The following EPHA3 variants were observed in gnomAD, a reference collection of about 807,000 sequenced individuals.
The protein encoded by EPHA3 is EPH receptor A3, also known as ephrin type-A receptor 3.
A neutral mutation model predicts 107.1 loss-of-function variants in EPHA3; 42 were observed. The observed-to-expected ratio is 0.39, with a 90% CI of 0.31 to 0.51. The LOEUF is 0.51. EPHA3 is among the 20% of genes least tolerant of loss of function. EPHA3 has a pLI of 0.78. For synonymous variants in EPHA3, 461 were observed against 424.8 expected (o/e 1.09, Z -1.05); for missense variants, 1,183 against 1,211.2 (o/e 0.98, Z 0.35).
chr3:89,125,681 A>T (rs1344392972), intron 1 of EPHA3, among the ~76,000 whole-genome samples: 1 of 151,716 alleles, frequency 6.6e-6, no homozygotes, highest in African/African-American at 2.4e-5. Context: ...TTAAGGAATT[A>T]TAATATAAAA....
chr3:89,329,562 T>C (rs1466581611), intron 3 of EPHA3, among the ~76,000 whole-genome samples: 3 of 152,140 alleles, frequency 2.0e-5, no homozygotes, highest in Non-Finnish European at 4.4e-5. Flanking sequence ...GAGAATTTCT[T>C]CCTCTTAAAT....
At chr3:89,466,708 A>T (rs1186054968) in intron 15 of EPHA3, among the ~76,000 whole-genome samples, 1 of 133,080 alleles carries the variant, frequency 7.5e-6, no homozygotes, top group East Asian at 2.1e-4. Context: ...GTGCGCACAC[A>T]CACTGGCCTG....
intron 2 of EPHA3, among the ~76,000 whole-genome samples, chr3:89,149,489 TTTA>T (rs1453799035): frequency 2.0e-5 from 3 of 151,978 alleles, no homozygotes; most frequent in Non-Finnish European, 4.4e-5. Flanking sequence ...ATAATCTTTT[TTTA>T]TTATTATTAT....
intron 16 of EPHA3, among the ~76,000 whole-genome samples, chr3:89,478,573 C>T (rs1710564317): frequency 6.6e-6 from 1 of 152,110 alleles, no homozygotes; most frequent in Non-Finnish European, 1.5e-5. Context: ...TTACATATGG[C>T]CTCTCCTGTG....
intron 2 of EPHA3, among the ~76,000 whole-genome samples, chr3:89,198,744 A>G (rs1705902054): frequency 6.6e-6 from 1 of 152,196 alleles, no homozygotes; most frequent in Non-Finnish European, 1.5e-5. Flanking sequence ...AGTGCTCCGC[A>G]GGTATATTGT....
chr3:89,373,194 A>C (rs1708340829), intron 5 of EPHA3, among the ~76,000 whole-genome samples: 2 of 151,988 alleles, frequency 1.3e-5, no homozygotes, highest in South Asian at 4.1e-4. Context: ...AAAAGTAAAT[A>C]ATTATGTAAA....
rs2107555251 is a variant in EPHA3, at chr3:89,450,293, T to A, written c.2613T>A (p.Phe871Leu). The change falls in exon 15 of 17, where the codon TTT (phenylalanine) becomes TTA (leucine). Residue 871 changes from phenylalanine to leucine, a missense_variant. Coordinates refer to ENST00000336596, the MANE Select transcript of EPHA3 (RefSeq NM_005233.6). ...WQKDRNNRPK[F>L]EQIVSILDKL... ...AAGACAGGAACAACAGACCCAAGTT[T>A]GAGCAGATTGTTAGTATTCTGGACA... is the stretch of plus-strand genomic sequence containing the variant. The A allele has an allele frequency of 6.2e-7, 1 of 1,614,036 alleles. No individual in the cohort carries two copies. The highest frequency in any genetic ancestry group is 1.1e-5 in the South Asian group (1 of 91,066).
chr3:89,423,919 C>A (rs1305882884), intron 11 of EPHA3, among the ~76,000 whole-genome samples: 2 of 151,240 alleles, frequency 1.3e-5, no homozygotes, highest in African/African-American at 4.8e-5. Context: ...ATTTCTAGAG[C>A]ACTGGTTTAC....
chr3:89,241,772 T>C (rs889830817), intron 3 of EPHA3, among the ~76,000 whole-genome samples: 2 of 152,194 alleles, frequency 1.3e-5, no homozygotes, highest in African/African-American at 4.8e-5. Flanking sequence ...TATTATTTCT[T>C]GGAACACAAC....
At chr3:89,470,957 G>A (rs1263882761) in intron 15 of EPHA3, among the ~76,000 whole-genome samples, 2 of 152,158 alleles carry the variant, frequency 1.3e-5, no homozygotes, top group Non-Finnish European at 2.9e-5. Flanking sequence ...GCCACATTGA[G>A]TGCACATGAA....
intron 5 of EPHA3, among the ~76,000 whole-genome samples, chr3:89,393,551 T>C (rs1708786628): frequency 6.6e-6 from 1 of 152,228 alleles, no homozygotes; most frequent in South Asian, 2.1e-4. Flanking sequence ...CATGGTGGTA[T>C]CAAATTAAAT....
intron 3 of EPHA3, among the ~76,000 whole-genome samples, chr3:89,217,570 C>T (rs895280362): frequency 6.6e-6 from 1 of 152,178 alleles, no homozygotes; most frequent in East Asian, 1.9e-4. Flanking sequence ...ATTCCAAAGG[C>T]GAGTCATTGA....
At chr3:89,297,781 T>A (rs991195205) in intron 3 of EPHA3, among the ~76,000 whole-genome samples, 1 of 152,086 alleles carries the variant, frequency 6.6e-6, no homozygotes, top group Non-Finnish European at 1.5e-5. Flanking sequence ...ACGCCTGTAA[T>A]CCCAGCACTT....
intron 7 of EPHA3, among the ~76,000 whole-genome samples, chr3:89,402,213 C>T (rs1708977127): frequency 1.3e-5 from 2 of 152,132 alleles, no homozygotes; most frequent in African/African-American, 2.4e-5. Context: ...TCTAATGAGG[C>T]TTCAGTGTCT....
chr3:89,415,492 A>ATATATATATATATATATATATATATAT (rs35710348), intron 10 of EPHA3, among the ~76,000 whole-genome samples: 1 of 146,260 alleles, frequency 6.8e-6, no homozygotes, highest in Non-Finnish European at 1.5e-5. Context: ...ATATATATAT[A>ATATATATATATATATATATATATATAT]AGCTAATTCT....
chr3:89,178,053 T>C (rs1705357218), intron 2 of EPHA3, among the ~76,000 whole-genome samples: 1 of 152,168 alleles, frequency 6.6e-6, no homozygotes, highest in South Asian at 2.1e-4. Flanking sequence ...TATCTATTTG[T>C]ACATTTACAT....
At chr3:89,469,739 A>T (rs1460583896) in intron 15 of EPHA3, among the ~76,000 whole-genome samples, 1 of 152,178 alleles carries the variant, frequency 6.6e-6, no homozygotes, top group Non-Finnish European at 1.5e-5. Flanking sequence ...GTTTTATTTC[A>T]TGTATATTGT....
chr3:89,309,604 T>G (rs1706717069), intron 3 of EPHA3, among the ~76,000 whole-genome samples: 1 of 152,142 alleles, frequency 6.6e-6, no homozygotes, highest in Non-Finnish European at 1.5e-5. Context: ...TATCCCATAT[T>G]GGGGCACCAG....
At chr3:89,474,999 C>T (rs1559709758) in intron 16 of EPHA3, among the ~76,000 whole-genome samples, 1 of 152,122 alleles carries the variant, frequency 6.6e-6, no homozygotes, top group Non-Finnish European at 1.5e-5. Context: ...CCACAATATT[C>T]CTTCTTCTGT....
Sources: gnomAD v4.1 joint callset for allele counts (sites outside exome capture counted in the v4.1 genomes callset) on GRCh38, gnomAD v4.1.1 for gene constraint, MANE v1.5 for transcripts, NCBI Gene and HGNC (gene_info 2026-07-23, HGNC 2026-07-21) for gene names.